Variants in MYPOP observed in about 807,000 individuals in gnomAD.
The protein encoded by MYPOP is Myb related transcription factor, partner of profilin.
In MYPOP, 21 loss-of-function variants were observed where a neutral mutation model predicts 25.7. The ratio of observed to expected loss-of-function variants is 0.82; its 90% CI spans 0.58 to 1.18. The LOEUF is 1.18. Among genes scored for constraint, MYPOP ranks in the 50% most tolerant of loss-of-function variants. MYPOP has a pLI of 0.00. For synonymous variants in MYPOP, 280 were observed against 247.9 expected, an observed-to-expected ratio of 1.13 and a Z score of -1.22; for missense variants, 566 against 588.3, an observed-to-expected ratio of 0.96 and a Z score of 0.39.
chr19:45,894,055 CTGGG>C (rs1967166290), intron 2 of MYPOP, among the ~76,000 whole-genome samples: 1 of 151,608 alleles, frequency 6.6e-6, no homozygotes, highest in African/African-American at 2.4e-5. Context: ...TCCCAAAGTG[CTGGG>C]ATTACAGGCA....
chr19:45,896,533 T>C (rs1328970545), intron 2 of MYPOP, among the ~76,000 whole-genome samples: 1 of 151,934 alleles, frequency 6.6e-6, no homozygotes, highest in Non-Finnish European at 1.5e-5. Flanking sequence ...ATTTTATAGA[T>C]GAGGTGATTT....
chr19:45,894,717 C>CT (rs987643038), intron 2 of MYPOP, among the ~76,000 whole-genome samples: 3 of 147,396 alleles, frequency 2.0e-5, no homozygotes, highest in African/African-American at 7.4e-5. Context: ...ACATTTTTTT[C>CT]TTTTTTCTTT....
At position 45,895,772 on chromosome 19, in the gene MYPOP, G is replaced by A. The variant is rs146612363; in HGVS notation, c.500-4449C>T. ...AGTCCAGCCTCTTCCCACGGCTATG[G>A]GGCCTCAGCACTTGCCCCCAACTCC... On this transcript the variant is annotated intron_variant, in intron 2 of 2. Transcript: ENST00000322217. Among the ~76,000 whole-genome samples, 369 of 152,208 alleles carry A rather than the reference G, an allele frequency of 2.4e-3. 3 individuals are homozygous for A. Among genetic ancestry groups the A allele is most frequent in the African/African-American group, 8.5e-3 (352 of 41,540 alleles).
At position 45,901,503 on chromosome 19, in the gene MYPOP, G is replaced by A. The variant is rs897131073; in HGVS notation, c.271C>T (p.Leu91Phe). Residue 91 changes from leucine (L) to phenylalanine (F), a missense_variant, in exon 2 of 3, where the codon CTC becomes TTC. By Grantham distance (22) the Leu-to-Phe change is conservative. Transcript: ENST00000322217. The surrounding 1 kb of genome is among the most constrained non-coding windows in gnomAD (Gnocchi z 5.7). ...NDFKRRTKEK[L>F]ARVPHSTQGA... ...TGCGTGGAGTGCGGCACGCGAGCGAGCTTCTCCTTGGTGCGGCGCTTGAAG... is the reference window on the plus strand; with the variant it reads ...TGCGTGGAGTGCGGCACGCGAGCGAACTTCTCCTTGGTGCGGCGCTTGAAG... 1.2e-6 allele frequency: 2 copies of A among 1,610,738 alleles called. No homozygotes were observed. The highest frequency in any genetic ancestry group is 1.3e-5 in the African/African-American group (1 of 74,644).
chr19:45,892,329 T>G (rs907327347), intron 2 of MYPOP, among the ~76,000 whole-genome samples: 62 of 152,148 alleles, frequency 4.1e-4, no homozygotes, highest in African/African-American at 1.3e-3. Context: ...GTCTGGGCAC[T>G]GGTGGACACT....
At chr19:45,891,808 T>C (rs1391580408) in intron 2 of MYPOP, among the ~76,000 whole-genome samples, 1 of 152,108 alleles carries the variant, frequency 6.6e-6, no homozygotes, top group Non-Finnish European at 1.5e-5. Flanking sequence ...GGCCAGTCTT[T>C]GTACCCGGAG....
Position 45,901,980 on chromosome 19 carries a change from G to T in MYPOP, c.-52-155C>A, listed in dbSNP as rs1177599201. 6.6e-6 allele frequency among the ~76,000 whole-genome samples: 1 copy of T among 151,432 alleles called. No individual in the cohort carries two copies. The highest frequency in any genetic ancestry group is 1.5e-5 in the Non-Finnish European group (1 of 67,782). ...ACGGGCACCCGGGTAAGTCGGAAGC[G>T]CCTAAGAGTAGCTGACACCGGCTGA... On this transcript the variant is annotated intron_variant, in intron 1 of 2. Coordinates refer to ENST00000322217, the MANE Select transcript of MYPOP (RefSeq NM_001012643.4). The surrounding 1 kb of genome is among the most constrained non-coding windows in gnomAD (Gnocchi z 5.7).
chr19:45,901,738 G>A lies in MYPOP; in HGVS notation c.36C>T (p.Thr12=). 1.3e-6 allele frequency: 2 copies of A among 1,529,498 alleles called. No homozygotes were observed. Among genetic ancestry groups the A allele is most frequent in the Non-Finnish European group, 8.8e-7 (1 of 1,141,612 alleles). The allele number at this position is 1,529,498 out of a possible 1,614,324, so 94.7% of individuals were successfully genotyped here. A position where few individuals can be genotyped will look rare whatever the true frequency, so the allele number is the denominator to read the frequency against. The part of the protein sequence containing the change: ...ASAAAGEAEE[T]TRLRKPRFSF... ...AGAAGCGCGGCTTGCGCAACCGGGT[G>A]GTTTCCTCCGCTTCGCCCGCCGCCG... The change falls in exon 2 of 3, where the codon ACC becomes ACT. Residue 12 remains threonine (T), a synonymous_variant. Transcript: ENST00000322217. The surrounding 1 kb of genome is among the most constrained non-coding windows in gnomAD (Gnocchi z 5.7).
At position 45,901,698 on chromosome 19, in the gene MYPOP, G is replaced by A; in HGVS notation, c.76C>T (p.Gln26Ter). 1 of 1,600,244 alleles carries A rather than the reference G, an allele frequency of 6.2e-7. No individual in the cohort carries two copies. Among genetic ancestry groups the A allele is most frequent in the Non-Finnish European group, 8.5e-7 (1 of 1,175,482 alleles). ...GCGCGCACCTCGCGGATCAGGATCT[G>A]GTTCTCTTCGAATGAGAAGCGCGGC... Reference protein sequence around the residue: ...RKPRFSFEENQILIREVRAHY... With the variant: ...RKPRFSFEEN Residue 26 changes from glutamine to a stop codon, truncating the protein, a stop_gained, in exon 2 of 3, where the codon CAG becomes TAG. Transcript: ENST00000322217. LOFTEE classifies it high-confidence loss of function. This position sits in a 1 kb window ranked among gnomAD's most constrained non-coding sequence, Gnocchi z 5.7.
chr19:45,900,446 A>AC (rs1220336076), intron 2 of MYPOP, among the ~76,000 whole-genome samples: 219 of 94,706 alleles, frequency 2.3e-3, no homozygotes, highest in Admixed American at 6.3e-3. Context: ...GCCCTCCTGG[A>AC]CCACCCCCCC....
intron 2 of MYPOP, among the ~76,000 whole-genome samples, chr19:45,895,817 G>A (rs560392778): frequency 3.3e-5 from 5 of 152,126 alleles, no homozygotes; most frequent in Admixed American, 1.3e-4. Flanking sequence ...CCCACATGTC[G>A]TTCCCTGGGC....
intron 2 of MYPOP, among the ~76,000 whole-genome samples, chr19:45,898,080 C>G (rs550643168): frequency 1.3e-5 from 2 of 151,630 alleles, no homozygotes; most frequent in Non-Finnish European, 2.9e-5. Context: ...TGTGCCACCA[C>G]GTCCAGCTAA....
intron 2 of MYPOP, among the ~76,000 whole-genome samples, chr19:45,892,846 CCT>C (rs1309142495): frequency 3.3e-5 from 5 of 152,322 alleles, no homozygotes; most frequent in South Asian, 4.1e-4. Context: ...TGCTTCCACC[CCT>C]GTCCCTGACA....
At position 45,890,713 on chromosome 19, in the gene MYPOP, T is replaced by TGGGGGGGGGGGG; in HGVS notation, c.1109_1110insCCCCCCCCCCCC (p.Pro370_Ala371insProProProPro). The TGGGGGGGGGGGG allele has an allele frequency of 7.5e-6, 2 of 265,010 alleles. No individual in the cohort carries two copies. The highest frequency in any genetic ancestry group is 1.3e-5 in the Non-Finnish European group (2 of 157,124). The allele number at this position is 265,010 out of a possible 1,614,324, so 16.4% of individuals were successfully genotyped here. On this transcript the variant is annotated inframe_insertion, in exon 3 of 3. Coordinates refer to ENST00000322217, the MANE Select transcript of MYPOP (RefSeq NM_001012643.4). ...GGGAGTCGTGCGGAGGGAGCGGGGCTGGGGGGGGCCGGGGTGCCCCCTCCT... is the reference window on the plus strand; with the variant it reads ...GGGAGTCGTGCGGAGGGAGCGGGGCTGGGGGGGGGGGGGGGGGGGGCCGGGGTGCCCCCTCCT...
Position 45,890,465 on chromosome 19 carries a change from C to G in MYPOP, c.*158G>C. 7.9e-7 allele frequency: 1 copy of G among 1,263,516 alleles called. No individual in the cohort carries two copies. 78.3% of individuals were successfully genotyped at this position (1,263,516 alleles called of 1,614,324 possible). A position where few individuals can be genotyped will look rare whatever the true frequency, so the allele number is the denominator to read the frequency against. ...GTTGGGGGGGCCCATTACTGAGGCC[C>G]CCCCCAGAGAATCAGGCACTAACTA... is the stretch of plus-strand genomic sequence containing the variant. On this transcript the variant is annotated 3_prime_UTR_variant, in exon 3 of 3. Coordinates refer to ENST00000322217, the MANE Select transcript of MYPOP (RefSeq NM_001012643.4).
chr19:45,899,886 C>A (rs1443253142), intron 2 of MYPOP, among the ~76,000 whole-genome samples: 1 of 152,092 alleles, frequency 6.6e-6, no homozygotes, highest in Non-Finnish European at 1.5e-5. Context: ...AAATTCCTGA[C>A]CTTGACTTCC....
At chr19:45,897,512 T>C (rs994104265) in intron 2 of MYPOP, among the ~76,000 whole-genome samples, 1 of 152,202 alleles carries the variant, frequency 6.6e-6, no homozygotes, top group South Asian at 2.1e-4. Context: ...CCAGCCTTCA[T>C]GCCCACAAGG....
chr19:45,898,315 A>G (rs1967236592), intron 2 of MYPOP, among the ~76,000 whole-genome samples: 1 of 150,412 alleles, frequency 6.6e-6, no homozygotes, highest in Non-Finnish European at 1.5e-5. Context: ...AGGCCTGTGT[A>G]TGGTTCTTTT....
At chr19:45,896,437 G>T (rs1400219914) in intron 2 of MYPOP, among the ~76,000 whole-genome samples, 1 of 152,158 alleles carries the variant, frequency 6.6e-6, no homozygotes. Flanking sequence ...CTCCCGCCAG[G>T]CCCTGGGCTA....
Sources: allele counts gnomAD v4.1 joint callset (sites outside exome capture counted in the v4.1 genomes callset), GRCh38; gene constraint gnomAD v4.1.1; non-coding constraint Gnocchi (gnomAD v3.1); transcripts MANE v1.5; gene names NCBI Gene and HGNC (gene_info 2026-07-23, HGNC 2026-07-21).